AMPH: variants seen among roughly 807,000 people sequenced by gnomAD.
AMPH encodes the protein amphiphysin (Stiff-Mann syndrome with breast cancer 128kD autoantigen).
A neutral mutation model predicts 99.1 loss-of-function variants in AMPH; 49 were observed. The ratio of observed to expected loss-of-function variants is 0.49; its 90% CI spans 0.39 to 0.63. The LOEUF is 0.63. AMPH is among the 20% of genes least tolerant of loss of function. The pLI is 0.00. For missense variants in AMPH, 759 were observed against 863.4 expected, an observed-to-expected ratio of 0.88 and a Z score of 1.52; for synonymous variants, 314 against 317.3, an observed-to-expected ratio of 0.99 and a Z score of 0.11.
At chr7:38,407,072 ATATATGTGTGTGTGTGTG>A (rs1488677953) in intron 17 of AMPH, among the ~76,000 whole-genome samples, 11 of 32,150 alleles carry the variant, frequency 3.4e-4, no homozygotes, top group African/African-American at 1.1e-3. Context: ...ATATATATAT[ATATATGTGTGTGTGTGTG>A]TGTGTGTGTG....
At chr7:38,511,975 G>A (rs1789559859) in intron 2 of AMPH, among the ~76,000 whole-genome samples, 1 of 152,176 alleles carries the variant, frequency 6.6e-6, no homozygotes, top group South Asian at 2.1e-4. Context: ...TCAAATGTGT[G>A]ACTTGACTCA....
intron 17 of AMPH, among the ~76,000 whole-genome samples, chr7:38,408,664 A>G (rs901621751): frequency 2.7e-5 from 4 of 148,712 alleles, no homozygotes; most frequent in African/African-American, 9.9e-5. Context: ...AGGCAGGGGA[A>G]TGGTGTGAAC....
At chr7:38,461,228 A>G in intron 11 of AMPH, 55 bp downstream of exon 11, 1 of 1,605,086 alleles carries the variant, frequency 6.2e-7, no homozygotes, top group South Asian at 1.1e-5. Context: ...AGCCCCTGAG[A>G]GTCCTTCCAC....
chr7:38,384,730 A>G lies in AMPH; in HGVS notation c.*88T>C, dbSNP rs1784303929. ...TCTGGCATCAGTCTGTAAATCATTAAGAGCATAATAACAAAAGTGAACTCT... is the reference window on the plus strand; with the variant it reads ...TCTGGCATCAGTCTGTAAATCATTAGGAGCATAATAACAAAAGTGAACTCT... On this transcript the variant is annotated 3_prime_UTR_variant, in exon 21 of 21. Transcript: ENST00000356264. 1 of 1,069,798 alleles carries G rather than the reference A, an allele frequency of 9.3e-7. No homozygotes were observed. The highest frequency in any genetic ancestry group is 2.4e-5 in the East Asian group (1 of 41,640). The allele number at this position is 1,069,798 out of a possible 1,614,324, so 66.3% of individuals were successfully genotyped here.
chr7:38,437,166 G>A (rs12530528), intron 11 of AMPH, among the ~76,000 whole-genome samples: 8,731 of 151,988 alleles, frequency 0.057, 645 homozygotes, highest in East Asian at 0.35. Context: ...ATTTATTTGT[G>A]GTATCATAAT....
chr7:38,525,124 G>A (rs1430162641), intron 2 of AMPH, among the ~76,000 whole-genome samples: 1 of 151,198 alleles, frequency 6.6e-6, no homozygotes, highest in Non-Finnish European at 1.5e-5. Context: ...TTGCAGTTGT[G>A]TGTGTGTGTA....
intron 1 of AMPH, among the ~76,000 whole-genome samples, chr7:38,576,133 A>T (rs1342453336): frequency 6.6e-6 from 1 of 152,348 alleles, no homozygotes; most frequent in East Asian, 1.9e-4. Context: ...AAAGAACACA[A>T]TTGACAACCA....
chr7:38,544,512 T>C (rs2129043998), intron 1 of AMPH, among the ~76,000 whole-genome samples: 1 of 152,280 alleles, frequency 6.6e-6, no homozygotes, highest in East Asian at 1.9e-4. Flanking sequence ...GTGGCTAATA[T>C]AATACGGCTG....
chr7:38,514,181 C>A (rs1354823677), intron 2 of AMPH, among the ~76,000 whole-genome samples: 2 of 152,174 alleles, frequency 1.3e-5, no homozygotes, highest in Admixed American at 6.5e-5. Flanking sequence ...TCCACAATGG[C>A]AACGACCTTT....
intron 17 of AMPH, among the ~76,000 whole-genome samples, chr7:38,399,038 A>C (rs4723751): frequency 0.13 from 19,494 of 152,240 alleles, 1,597 homozygotes; most frequent in Admixed American, 0.23. Context: ...ACGAATTTTA[A>C]GAATGATAAA....
At chr7:38,544,362 G>T (rs1371662184) in intron 1 of AMPH, among the ~76,000 whole-genome samples, 2 of 152,174 alleles carry the variant, frequency 1.3e-5, no homozygotes, top group Non-Finnish European at 2.9e-5. Context: ...CTCCTTGTAA[G>T]AATATTATGG....
intron 1 of AMPH, among the ~76,000 whole-genome samples, chr7:38,602,249 C>G (rs1007045783): frequency 1.3e-5 from 2 of 152,206 alleles, no homozygotes; most frequent in Non-Finnish European, 2.9e-5. Flanking sequence ...AGAGCCTCCT[C>G]CACCTCAGCT....
At chr7:38,460,886 T>A (rs959957946) in intron 11 of AMPH, among the ~76,000 whole-genome samples, 1 of 152,174 alleles carries the variant, frequency 6.6e-6, no homozygotes, top group African/African-American at 2.4e-5. Context: ...ATAGAAATGA[T>A]AAATGCTCAA....
At chr7:38,426,869 C>T (rs549821406) in intron 15 of AMPH, 85 bp downstream of exon 15, 13 of 1,246,588 alleles carry the variant, frequency 1.0e-5, no homozygotes, top group South Asian at 2.5e-5. Flanking sequence ...TTACGCTATA[C>T]TAGTGGCACA....
At chr7:38,438,623 G>C (rs896401258) in intron 11 of AMPH, among the ~76,000 whole-genome samples, 1 of 151,944 alleles carries the variant, frequency 6.6e-6, no homozygotes, top group African/African-American at 2.4e-5. Context: ...GGAATTTAGA[G>C]ATGAAGGATG....
At chr7:38,417,725 G>T in intron 17 of AMPH, 100 bp downstream of exon 17, 1 of 1,474,814 alleles carries the variant, frequency 6.8e-7, no homozygotes, top group Non-Finnish European at 9.2e-7. Flanking sequence ...GAGCATGTTT[G>T]GCCCAAGTGA....
chr7:38,534,326 G>C (rs1478202656), intron 2 of AMPH, among the ~76,000 whole-genome samples: 2 of 152,134 alleles, frequency 1.3e-5, no homozygotes, highest in African/African-American at 2.4e-5. Flanking sequence ...AATGTTCAAT[G>C]AAATATAAAT....
intron 1 of AMPH, among the ~76,000 whole-genome samples, chr7:38,537,123 CAAGTT>C (rs1006420861): frequency 6.6e-6 from 1 of 152,028 alleles, no homozygotes; most frequent in Non-Finnish European, 1.5e-5. Flanking sequence ...GATTTTAGTA[CAAGTT>C]AAGTGGATGT....
At chr7:38,434,209 T>C (rs958848251) in intron 12 of AMPH, among the ~76,000 whole-genome samples, 4 of 152,188 alleles carry the variant, frequency 2.6e-5, no homozygotes, top group Non-Finnish European at 4.4e-5. Flanking sequence ...TGCGGTGATA[T>C]ATGTCCTTCA....
Sources: allele counts gnomAD v4.1 joint callset (sites outside exome capture counted in the v4.1 genomes callset), GRCh38; gene constraint gnomAD v4.1.1; transcripts MANE v1.5; gene names NCBI Gene and HGNC (gene_info 2026-07-23, HGNC 2026-07-21).